VPS13B: variants seen among roughly 807,000 people sequenced by gnomAD.
VPS13B encodes intermembrane lipid transfer protein VPS13B.
A neutral mutation model predicts 426.4 loss-of-function variants in VPS13B; 285 were observed. The ratio of observed to expected loss-of-function variants is 0.67; its 90% CI spans 0.61 to 0.74. The LOEUF (loss-of-function observed/expected upper bound fraction) is 0.74, where lower values mean the gene tolerates loss of function less well. Ranked by LOEUF, VPS13B falls within the 30% of genes least tolerant of loss-of-function variation. VPS13B has a pLI of 0.00. For synonymous variants in VPS13B, 1,676 were observed against 1,676.4 expected, an observed-to-expected ratio of 1.00 and a Z score of 0.01; for missense variants, 4,537 against 4,782.6, an observed-to-expected ratio of 0.95 and a Z score of 1.51.
rs906197984 is a variant in VPS13B, at chr8:99,212,809, C to G, written c.2515+19752C>G. ...GATTCTTTTCTACCAATGTATGTAG[C>G]TCCATTTTCAGAACTACTACTCTCC... On this transcript the variant is annotated intron_variant, in intron 17 of 61. Transcript: ENST00000357162. Among the ~76,000 whole-genome samples, 5 of 152,152 alleles carry G rather than the reference C, an allele frequency of 3.3e-5. No homozygotes were observed. The East Asian group carries it at 9.6e-4, about 29-fold the overall frequency.
intron 33 of VPS13B, among the ~76,000 whole-genome samples, chr8:99,614,272 CATAT>C (rs59449690): frequency 5.4e-5 from 8 of 147,890 alleles, no homozygotes; most frequent in South Asian, 2.1e-4. Context: ...CACACACACA[CATAT>C]ATATATATAT....
At chr8:99,739,757 G>A (rs1380078105) in intron 39 of VPS13B, among the ~76,000 whole-genome samples, 16 of 152,172 alleles carry the variant, frequency 1.1e-4, no homozygotes, top group Admixed American at 1.0e-3. Context: ...CTGCAGCTGA[G>A]GGTCCTGACT....
At chr8:99,063,117 T>TA (rs1299984906) in intron 3 of VPS13B, among the ~76,000 whole-genome samples, 1 of 152,182 alleles carries the variant, frequency 6.6e-6, no homozygotes, top group Non-Finnish European at 1.5e-5. Context: ...GATGGCCCAG[T>TA]AGGAACAGCT....
At chr8:99,028,594 G>C (rs1188568406) in intron 2 of VPS13B, among the ~76,000 whole-genome samples, 1 of 128,036 alleles carries the variant, frequency 7.8e-6, no homozygotes, top group African/African-American at 3.0e-5. Context: ...CCCCCTCCCG[G>C]ACGGGGCAGC....
At chr8:99,818,419 T>C in intron 45 of VPS13B, 32 bp from the exon 46 acceptor site, 2 of 1,594,960 alleles carry the variant, frequency 1.3e-6, no homozygotes, top group Non-Finnish European at 1.7e-6. Flanking sequence ...CTGCTTAGTA[T>C]TCAATAGGAC....
intron 36 of VPS13B, among the ~76,000 whole-genome samples, chr8:99,707,833 G>A (rs1346419051): frequency 6.6e-6 from 1 of 152,132 alleles, no homozygotes; most frequent in Non-Finnish European, 1.5e-5. Context: ...GTGGAGTTGA[G>A]ACTAGAACAC....
intron 21 of VPS13B, among the ~76,000 whole-genome samples, chr8:99,417,664 C>T (rs890716969): frequency 2.0e-5 from 3 of 152,146 alleles, no homozygotes; most frequent in Non-Finnish European, 2.9e-5. Flanking sequence ...ATTCTAGAGA[C>T]ATTCATATCT....
intron 19 of VPS13B, among the ~76,000 whole-genome samples, chr8:99,377,902 A>G (rs1483550098): frequency 1.3e-5 from 2 of 152,224 alleles, no homozygotes; most frequent in East Asian, 3.8e-4. Flanking sequence ...TGAGATCACA[A>G]GGTCAGGGTG....
chr8:99,335,109 T>C (rs1810759602), intron 19 of VPS13B, among the ~76,000 whole-genome samples: 1 of 152,216 alleles, frequency 6.6e-6, no homozygotes, highest in Admixed American at 6.5e-5. Context: ...TTGAGGAATT[T>C]ATCCATTTCT....
At chr8:99,065,739 T>C (rs1436275522) in intron 3 of VPS13B, among the ~76,000 whole-genome samples, 1 of 152,198 alleles carries the variant, frequency 6.6e-6, no homozygotes, top group East Asian at 1.9e-4. Flanking sequence ...GATGACATGA[T>C]TGTATATTTA....
chr8:99,556,048 G>T (rs186863602), intron 30 of VPS13B, among the ~76,000 whole-genome samples: 1 of 152,044 alleles, frequency 6.6e-6, no homozygotes, highest in Non-Finnish European at 1.5e-5. Flanking sequence ...CTGTATTTGT[G>T]TTGTAGTTTT....
chr8:99,478,688 A>C (rs1326995795), intron 24 of VPS13B, among the ~76,000 whole-genome samples: 4 of 151,708 alleles, frequency 2.6e-5, no homozygotes, highest in Non-Finnish European at 4.4e-5. Flanking sequence ...ACCTCAGGTG[A>C]TCCGCCTGCC....
chr8:99,280,720 C>G (rs1250548223), intron 19 of VPS13B, among the ~76,000 whole-genome samples: 1 of 152,050 alleles, frequency 6.6e-6, no homozygotes, highest in African/African-American at 2.4e-5. Flanking sequence ...TAAGACAGTT[C>G]TAATTACTAT....
intron 43 of VPS13B, among the ~76,000 whole-genome samples, chr8:99,804,828 C>CA (rs1198736737): frequency 4.6e-5 from 7 of 151,792 alleles, no homozygotes; most frequent in South Asian, 2.1e-4. Context: ...CTCATCTTTA[C>CA]AAAAAATAGA....
chr8:99,318,068 A>T (rs1381377782), intron 19 of VPS13B, among the ~76,000 whole-genome samples: 2 of 152,156 alleles, frequency 1.3e-5, no homozygotes, highest in Non-Finnish European at 2.9e-5. Flanking sequence ...TCAAACTCAG[A>T]TATTAAGTTT....
intron 17 of VPS13B, among the ~76,000 whole-genome samples, chr8:99,224,585 ATGTAT>A (rs1304500488): frequency 3.9e-5 from 6 of 152,116 alleles, no homozygotes; most frequent in Non-Finnish European, 8.8e-5. Context: ...TGATGAGGAG[ATGTAT>A]TGAGTGGTTT....
chr8:99,400,435 A>C (rs567030333), intron 21 of VPS13B, among the ~76,000 whole-genome samples: 6 of 152,364 alleles, frequency 3.9e-5, no homozygotes, highest in African/African-American at 1.4e-4. Context: ...AAAATAGTTA[A>C]CCCTAAAATA....
intron 3 of VPS13B, among the ~76,000 whole-genome samples, chr8:99,074,337 TTAATGTGTTGTATCACG>T (rs1420991340): frequency 1.3e-5 from 2 of 152,070 alleles, no homozygotes; most frequent in Non-Finnish European, 2.9e-5. Context: ...CTTGATTCTG[TTAATGTGTTGTATCACG>T]TTTATTGATT....
At chr8:99,866,729 A>T (rs573192619) in intron 58 of VPS13B, among the ~76,000 whole-genome samples, 10 of 152,342 alleles carry the variant, frequency 6.6e-5, no homozygotes, top group African/African-American at 2.2e-4. Flanking sequence ...TCACTTTGAT[A>T]ATCTGCTGAG....
Sources: allele counts gnomAD v4.1 joint callset (sites outside exome capture counted in the v4.1 genomes callset), GRCh38; gene constraint gnomAD v4.1.1; transcripts MANE v1.5; gene names NCBI Gene and HGNC (gene_info 2026-07-23, HGNC 2026-07-21).